The following RBMS1 variants were observed in gnomAD, a reference collection of about 807,000 sequenced individuals.
RBMS1 encodes RNA-binding motif, single-stranded-interacting protein 1.
Under a neutral mutation model 62.3 loss-of-function variants are expected in RBMS1, and 17 were observed. That is an observed-to-expected ratio of 0.27 (90% CI 0.19 to 0.41). The LOEUF (loss-of-function observed/expected upper bound fraction) is 0.41. Among genes scored for constraint, RBMS1 ranks in the 10% least tolerant of loss-of-function variants. The pLI is 1.00. For missense variants in RBMS1, 334 were observed against 504.5 expected, an observed-to-expected ratio of 0.66 and a Z score of 3.24; for synonymous variants, 172 against 170.0, an observed-to-expected ratio of 1.01 and a Z score of -0.09.
chr2:160,430,238 TTTTTAAGTTTTAAGTCATTTTTAAGTCA>T, intron 1 of RBMS1, among the ~76,000 whole-genome samples: 1 of 152,338 alleles, frequency 6.6e-6, no homozygotes, highest in East Asian at 1.9e-4. Context: ...TTTTAAGTCA[TTTTTAAGTTTTAAGTCATTTTTAAGTCA>T]TTTTAAGTTT....
At chr2:160,334,173 G>T (rs1398653998) in intron 2 of RBMS1, among the ~76,000 whole-genome samples, 2 of 152,138 alleles carry the variant, frequency 1.3e-5, no homozygotes, top group African/African-American at 4.8e-5. Context: ...ACAACATTAT[G>T]TAAGGAGATT....
At chr2:160,474,201 A>G (rs141720945) in intron 1 of RBMS1, among the ~76,000 whole-genome samples, 1 of 152,316 alleles carries the variant, frequency 6.6e-6, no homozygotes, top group East Asian at 1.9e-4. Flanking sequence ...CATACATTAC[A>G]ACCACGAGTC....
intron 2 of RBMS1, among the ~76,000 whole-genome samples, chr2:160,351,530 C>T (rs1447716499): frequency 1.3e-5 from 2 of 151,934 alleles, no homozygotes; most frequent in African/African-American, 2.4e-5. Context: ...TAATTCAATG[C>T]CAAAGTAAAT....
intron 1 of RBMS1, among the ~76,000 whole-genome samples, chr2:160,485,328 T>G (rs967089300): frequency 9.9e-5 from 15 of 152,120 alleles, no homozygotes; most frequent in African/African-American, 3.4e-4. Flanking sequence ...GTTGAAAGAT[T>G]GTAGAAGAAC....
chr2:160,380,360 T>C (rs189017331), intron 1 of RBMS1, among the ~76,000 whole-genome samples: 157 of 152,044 alleles, frequency 1.0e-3, no homozygotes, highest in Non-Finnish European at 1.5e-3. Flanking sequence ...AGAAACACTA[T>C]GGTGGACCCC....
intron 1 of RBMS1, among the ~76,000 whole-genome samples, chr2:160,415,878 T>A (rs1362199804): frequency 6.6e-6 from 1 of 152,072 alleles, no homozygotes; most frequent in Non-Finnish European, 1.5e-5. Flanking sequence ...ATGTCCTTTA[T>A]GTAAATGAGA....
chr2:160,422,053 G>A (rs1034306565), intron 1 of RBMS1, among the ~76,000 whole-genome samples: 4 of 152,186 alleles, frequency 2.6e-5, no homozygotes, highest in African/African-American at 9.7e-5. Flanking sequence ...CTGGCTGTTA[G>A]CTACTTTCAC....
intron 4 of RBMS1, among the ~76,000 whole-genome samples, chr2:160,311,230 A>ATATATATATATATG (rs1460037692): frequency 1.0e-5 from 1 of 97,066 alleles, no homozygotes; most frequent in Non-Finnish European, 2.1e-5. Context: ...CTATCTATCT[A>ATATATATATATATG]TCTATATATA....
At chr2:160,444,988 C>A (rs1259371512) in intron 1 of RBMS1, among the ~76,000 whole-genome samples, 2 of 152,188 alleles carry the variant, frequency 1.3e-5, no homozygotes, top group Non-Finnish European at 2.9e-5. Context: ...TCTATGGTAT[C>A]TTGTTATGGC....
chr2:160,300,971 T>A (rs929079824), intron 5 of RBMS1, among the ~76,000 whole-genome samples: 2 of 152,220 alleles, frequency 1.3e-5, no homozygotes, highest in Admixed American at 6.5e-5. Context: ...CTACTGAGTG[T>A]TTAAGATCAA....
intron 1 of RBMS1, chr2:160,407,960 A>G: frequency 1.0e-6 from 1 of 973,528 alleles, no homozygotes; most frequent in Non-Finnish European, 1.2e-6. Flanking sequence ...CGCCGCGCCC[A>G]GGCCCACCCG....
intron 1 of RBMS1, among the ~76,000 whole-genome samples, chr2:160,376,450 A>T (rs1332214371): frequency 6.6e-6 from 1 of 152,206 alleles, no homozygotes; most frequent in Non-Finnish European, 1.5e-5. Flanking sequence ...TTTTGTGTAT[A>T]AACATCACTG....
intron 1 of RBMS1, among the ~76,000 whole-genome samples, chr2:160,435,996 A>G (rs1390847742): frequency 6.6e-6 from 1 of 152,242 alleles, no homozygotes; most frequent in African/African-American, 2.4e-5. Flanking sequence ...GAGATTATCA[A>G]TAAAGGTTTC....
At chr2:160,373,250 T>A (rs1007756951) in intron 1 of RBMS1, among the ~76,000 whole-genome samples, 1 of 152,218 alleles carries the variant, frequency 6.6e-6, no homozygotes, top group African/African-American at 2.4e-5. Context: ...AAGATATCCA[T>A]CAAAGTTGAT....
intron 1 of RBMS1, among the ~76,000 whole-genome samples, chr2:160,370,459 C>G (rs1445480264): frequency 1.3e-5 from 2 of 152,122 alleles, no homozygotes; most frequent in African/African-American, 4.8e-5. Flanking sequence ...ATGGTGAAAC[C>G]CCGTCTCTAC....
intron 1 of RBMS1, among the ~76,000 whole-genome samples, chr2:160,382,683 A>T (rs968727968): frequency 6.6e-6 from 1 of 152,158 alleles, no homozygotes; most frequent in Non-Finnish European, 1.5e-5. Context: ...CTGAAAAATG[A>T]CACCTTCACT....
chr2:160,370,660 C>G (rs1464784850), intron 1 of RBMS1, among the ~76,000 whole-genome samples: 3 of 152,204 alleles, frequency 2.0e-5, no homozygotes, highest in African/African-American at 7.2e-5. Flanking sequence ...TGCTAGAAAA[C>G]AAAGCCAGAG....
rs946759480 is a variant in RBMS1 at position 160,491,183 on chromosome 2, A to C, written c.75+2106T>G. ...CATCTAGTCACGTGCCATTTTTAGA[A>C]GATGTCCCCTTCTGAGATAATCAAG... is the stretch of plus-strand genomic sequence containing the variant. On this transcript the variant is annotated intron_variant, in intron 1 of 13. Transcript: ENST00000348849. Among the ~76,000 whole-genome samples, 6 of 152,280 alleles carry C rather than the reference A, an allele frequency of 3.9e-5. 1 individual carries two copies. Among genetic ancestry groups the C allele is most frequent in the Middle Eastern group, 6.8e-3 (2 of 294 alleles).
At chr2:160,400,295 G>A (rs1382821649) in intron 1 of RBMS1, among the ~76,000 whole-genome samples, 2 of 150,118 alleles carry the variant, frequency 1.3e-5, no homozygotes, top group African/African-American at 2.5e-5. Flanking sequence ...CATGTATCTC[G>A]GAACTGGAAA....
Sources: allele counts gnomAD v4.1 joint callset (sites outside exome capture counted in the v4.1 genomes callset), GRCh38; gene constraint gnomAD v4.1.1; transcripts MANE v1.5; gene names NCBI Gene and HGNC (gene_info 2026-07-23, HGNC 2026-07-21).